Variants in UNC5D observed in about 807,000 individuals in gnomAD.
The protein encoded by UNC5D is unc-5 netrin receptor D.
UNC5D carries 39 observed loss-of-function variants against 105.4 expected under a neutral mutation model. The ratio of observed to expected loss-of-function variants is 0.37; its 90% confidence interval spans 0.29 to 0.48. The LOEUF (loss-of-function observed/expected upper bound fraction) is 0.48. UNC5D is among the 20% of genes least tolerant of loss of function. UNC5D has a pLI of 0.98. For missense variants in UNC5D, 991 were observed against 1,202.4 expected (o/e 0.82, Z 2.60); for synonymous variants, 452 against 450.4 (o/e 1.00, Z -0.04).
At chr8:35,306,727 T>C (rs7008790) in intron 1 of UNC5D, among the ~76,000 whole-genome samples, 3,655 of 152,246 alleles carry the variant, frequency 0.024, 154 homozygotes, top group African/African-American at 0.084. Context: ...TCCAAAATTT[T>C]ACATTGAAGA....
At chr8:35,755,373 T>A (rs1403545509) in intron 13 of UNC5D, among the ~76,000 whole-genome samples, 1 of 152,162 alleles carries the variant, frequency 6.6e-6, no homozygotes, top group Non-Finnish European at 1.5e-5. Context: ...TTTCAAAGGA[T>A]TTCCTCTAGA....
At chr8:35,559,224 A>G (rs1006356303) in intron 2 of UNC5D, among the ~76,000 whole-genome samples, 3 of 152,200 alleles carry the variant, frequency 2.0e-5, no homozygotes, top group Non-Finnish European at 4.4e-5. Flanking sequence ...AACAGGCACC[A>G]AGACTGGGAC....
chr8:35,683,571 C>T lies in UNC5D; in HGVS notation c.595C>T (p.Pro199Ser). 6.4e-7 allele frequency: 1 copy of T among 1,565,440 alleles called. No individual in the cohort carries two copies. The highest frequency in any genetic ancestry group is 1.4e-5 in the African/African-American group (1 of 71,548). Residue 199 changes from proline to serine, a missense_variant, in exon 5 of 17, where the codon CCC becomes TCC. Coordinates refer to ENST00000404895, the MANE Select transcript of UNC5D (RefSeq NM_080872.4). Reference sequence around the variant, plus strand: ...GGTGGAATGGCTGAAAAATGAAGAGCCCATTGACTCTGAACAAGACGAGAA... The same window carrying T: ...GGTGGAATGGCTGAAAAATGAAGAGTCCATTGACTCTGAACAAGACGAGAA... Reference protein sequence around the residue: ...AEVEWLKNEEPIDSEQDENID... With the variant: ...AEVEWLKNEESIDSEQDENID...
At chr8:35,338,417 A>T (rs1811213078) in intron 1 of UNC5D, among the ~76,000 whole-genome samples, 1 of 152,060 alleles carries the variant, frequency 6.6e-6, no homozygotes, top group Admixed American at 6.6e-5. Flanking sequence ...GTGTGTGTGT[A>T]AAACAAGAGA....
chr8:35,731,113 A>G lies in UNC5D; in HGVS notation c.1766+17A>G, dbSNP rs2131574775. 5 of 1,611,870 alleles carry G rather than the reference A, an allele frequency of 3.1e-6. No homozygotes were observed. The highest frequency in any genetic ancestry group is 4.2e-6 in the Non-Finnish European group (5 of 1,178,160). On this transcript the variant is annotated intron_variant, in intron 11 of 16. Coordinates refer to ENST00000404895, the MANE Select transcript of UNC5D (RefSeq NM_080872.4). Reference sequence around the variant, plus strand: ...TGAACCCAGGTGAGAGACAGAGAATAGCATATTAAAGAAAGTGGCTCACGC... The same window carrying G: ...TGAACCCAGGTGAGAGACAGAGAATGGCATATTAAAGAAAGTGGCTCACGC...
intron 3 of UNC5D, among the ~76,000 whole-genome samples, chr8:35,584,471 G>GT: frequency 6.6e-6 from 1 of 152,082 alleles, no homozygotes; most frequent in Non-Finnish European, 1.5e-5. Context: ...CTGGAGTGAA[G>GT]TGGCATGATT....
chr8:35,446,834 C>T (rs547702503), intron 1 of UNC5D, among the ~76,000 whole-genome samples: 1 of 152,186 alleles, frequency 6.6e-6, no homozygotes, highest in South Asian at 2.1e-4. Flanking sequence ...TTACTCCTTC[C>T]CTAACAGAAT....
chr8:35,392,713 G>A (rs1206844251), intron 1 of UNC5D, among the ~76,000 whole-genome samples: 1 of 152,154 alleles, frequency 6.6e-6, no homozygotes, highest in African/African-American at 2.4e-5. Context: ...AGGTTCTAGG[G>A]ATTAGGATAA....
chr8:35,357,759 A>C (rs1395354103), intron 1 of UNC5D, among the ~76,000 whole-genome samples: 1 of 152,172 alleles, frequency 6.6e-6, no homozygotes, highest in Non-Finnish European at 1.5e-5. Flanking sequence ...AAGTAAAGCC[A>C]ATTGTATATA....
chr8:35,735,209 C>A (rs1390437203), intron 11 of UNC5D, among the ~76,000 whole-genome samples: 1 of 152,156 alleles, frequency 6.6e-6, no homozygotes, highest in Non-Finnish European at 1.5e-5. Flanking sequence ...TCCCACTACT[C>A]CTCTCCTCTC....
intron 1 of UNC5D, among the ~76,000 whole-genome samples, chr8:35,257,115 G>T (rs1435119352): frequency 6.6e-6 from 1 of 151,800 alleles, no homozygotes; most frequent in African/African-American, 2.4e-5. Flanking sequence ...GGGATTACAG[G>T]CACGCACCAC....
At chr8:35,781,523 A>G (rs1267072705) in intron 16 of UNC5D, among the ~76,000 whole-genome samples, 2 of 152,188 alleles carry the variant, frequency 1.3e-5, no homozygotes, top group African/African-American at 2.4e-5. Flanking sequence ...AAACCCGTTT[A>G]TAGCCTAAAT....
At chr8:35,405,178 C>T (rs1804723677) in intron 1 of UNC5D, among the ~76,000 whole-genome samples, 2 of 152,010 alleles carry the variant, frequency 1.3e-5, no homozygotes, top group Admixed American at 6.5e-5. Context: ...CATTCCATGC[C>T]CAAATAGTGG....
chr8:35,435,586 T>A (rs1172302503), intron 1 of UNC5D, among the ~76,000 whole-genome samples: 3 of 152,184 alleles, frequency 2.0e-5, no homozygotes, highest in Admixed American at 1.3e-4. Context: ...TATGAAACAA[T>A]GTAAGAATTC....
chr8:35,337,079 G>A (rs1209053338), intron 1 of UNC5D, among the ~76,000 whole-genome samples: 1 of 152,144 alleles, frequency 6.6e-6, no homozygotes, highest in Non-Finnish European at 1.5e-5. Flanking sequence ...GGAGACTAAT[G>A]ATTTAGAAAT....
intron 16 of UNC5D, among the ~76,000 whole-genome samples, chr8:35,776,472 C>G (rs989989186): frequency 6.6e-6 from 1 of 152,148 alleles, no homozygotes; most frequent in African/African-American, 2.4e-5. Flanking sequence ...TGACCTTGCA[C>G]GGTAGGGAAA....
At chr8:35,706,553 T>C (rs1827590124) in intron 8 of UNC5D, among the ~76,000 whole-genome samples, 2 of 152,152 alleles carry the variant, frequency 1.3e-5, no homozygotes, top group Non-Finnish European at 2.9e-5. Context: ...GTATGGCATT[T>C]GACCTTATGC....
At chr8:35,305,581 CTTTCTTTCTTTCTT>C (rs1808291183) in intron 1 of UNC5D, among the ~76,000 whole-genome samples, 11 of 93,620 alleles carry the variant, frequency 1.2e-4, no homozygotes, top group African/African-American at 2.8e-4. Flanking sequence ...CTTTCTTTTT[CTTTCTTTCTTTCTT>C]TCTTTCTTTC....
chr8:35,508,518 CATA>C (rs1289461159), intron 1 of UNC5D, among the ~76,000 whole-genome samples: 2 of 152,156 alleles, frequency 1.3e-5, no homozygotes, highest in African/African-American at 2.4e-5. Flanking sequence ...AATCTTTTCT[CATA>C]ATTGCTAAAT....
Sources: gnomAD v4.1 joint callset for allele counts (sites outside exome capture counted in the v4.1 genomes callset) on GRCh38, gnomAD v4.1.1 for gene constraint, MANE v1.5 for transcripts, NCBI Gene and HGNC (gene_info 2026-07-23, HGNC 2026-07-21) for gene names.